The following RBKS variants were observed in gnomAD, a reference collection of about 807,000 sequenced individuals.
RBKS encodes the protein ribokinase.
Under a neutral mutation model 33.9 loss-of-function variants are expected in RBKS, and 33 were observed. The observed-to-expected ratio is 0.97, with a 90% CI of 0.74 to 1.30. RBKS has a LOEUF of 1.30. Ranked by LOEUF, RBKS falls within the 50% of genes most tolerant of loss-of-function variation. RBKS has a pLI of 0.00. For synonymous variants in RBKS, 125 were observed against 143.0 expected (o/e 0.87, Z 0.90); for missense variants, 361 against 392.6 (o/e 0.92, Z 0.68).
At chr2:27,806,508 G>A (rs573186725) in intron 7 of RBKS, among the ~76,000 whole-genome samples, 5 of 152,286 alleles carry the variant, frequency 3.3e-5, no homozygotes, top group East Asian at 1.9e-4. Context: ...TTGCAATGCC[G>A]TGAGGTAGGT....
In RBKS at chr2:27,786,097, G is replaced by T. The variant is rs561653518; in HGVS notation, c.796-4309C>A. ...ATCCATGATCCCATTTGGGGGAAAA[G>T]AAATAAAAGAATGAGAAAGACAAAT... On this transcript the variant is annotated intron_variant, in intron 7 of 7. Transcript: ENST00000302188. Among the ~76,000 whole-genome samples, 3 of 152,212 alleles carry T rather than the reference G, an allele frequency of 2.0e-5. No individual in the cohort carries two copies. In the South Asian group the frequency reaches 6.2e-4, roughly 32 times the overall value.
chr2:27,812,546 T>C (rs559891367), intron 7 of RBKS, among the ~76,000 whole-genome samples: 74 of 152,366 alleles, frequency 4.9e-4, no homozygotes, highest in African/African-American at 1.7e-3. Flanking sequence ...GATGAGTTCA[T>C]GTCTTTTGTA....
At position 27,827,694 on chromosome 2, in the gene RBKS, A is replaced by T; in HGVS notation, c.668T>A (p.Val223Glu). The T allele has an allele frequency of 6.2e-7, 1 of 1,613,750 alleles. No individual in the cohort carries two copies. Among genetic ancestry groups the T allele is most frequent in the East Asian group, 2.2e-5 (1 of 44,838 alleles). ...SAADAGEAAL[V>E]LLKRGCQVVI... ...CACCTGGCAGCCCCTTTTCAAGAGC[A>T]CTAATGCAGCCTCCCCAGCATCTGC... Residue 223 changes from valine to glutamate, a missense_variant, in exon 7 of 8, where the codon GTG becomes GAG. Coordinates refer to ENST00000302188, the MANE Select transcript of RBKS (RefSeq NM_022128.3).
intron 7 of RBKS, among the ~76,000 whole-genome samples, chr2:27,793,339 C>A (rs1677573657): frequency 6.6e-6 from 1 of 152,154 alleles, no homozygotes; most frequent in South Asian, 2.1e-4. Context: ...AATCCCCCCA[C>A]AGATTATGTA....
At chr2:27,785,772 A>G (rs1022726847) in intron 7 of RBKS, among the ~76,000 whole-genome samples, 10 of 151,950 alleles carry the variant, frequency 6.6e-5, no homozygotes, top group African/African-American at 9.7e-5. Context: ...AAAAAAAAAA[A>G]AAAGAAAGAA....
intron 7 of RBKS, among the ~76,000 whole-genome samples, chr2:27,804,854 G>A (rs928986619): frequency 2.0e-5 from 3 of 152,016 alleles, no homozygotes; most frequent in Non-Finnish European, 4.4e-5. Context: ...GCAAAACCTC[G>A]TCTCTACAAA....
intron 1 of RBKS, among the ~76,000 whole-genome samples, chr2:27,872,009 T>G (rs1171492374): frequency 6.6e-6 from 1 of 152,190 alleles, no homozygotes; most frequent in Non-Finnish European, 1.5e-5. Context: ...CACGCTACTA[T>G]GAGAAACTAA....
intron 2 of RBKS, among the ~76,000 whole-genome samples, chr2:27,853,085 G>GGCTA (rs966138007): frequency 7.2e-5 from 11 of 152,076 alleles, no homozygotes; most frequent in African/African-American, 2.4e-4. Flanking sequence ...ATGGCCTTTA[G>GGCTA]GCTAGGCATG....
chr2:27,876,098 A>G (rs1382492231), intron 1 of RBKS, among the ~76,000 whole-genome samples: 1 of 152,214 alleles, frequency 6.6e-6, no homozygotes, highest in African/African-American at 2.4e-5. Context: ...AAAATTAAAC[A>G]TAGAATTACC....
At chr2:27,830,077 C>A (rs1020786343) in intron 6 of RBKS, among the ~76,000 whole-genome samples, 1 of 152,112 alleles carries the variant, frequency 6.6e-6, no homozygotes, top group Admixed American at 6.5e-5. Flanking sequence ...ATATCAAGGG[C>A]TGAATGCTCT....
At chr2:27,853,932 A>T (rs1482059105) in intron 2 of RBKS, among the ~76,000 whole-genome samples, 1 of 152,214 alleles carries the variant, frequency 6.6e-6, no homozygotes, top group Non-Finnish European at 1.5e-5. Flanking sequence ...ATTATATATT[A>T]CCTGGAAAGA....
chr2:27,886,552 G>C (rs534716129), intron 1 of RBKS, among the ~76,000 whole-genome samples: 2 of 152,208 alleles, frequency 1.3e-5, no homozygotes, highest in South Asian at 4.1e-4. Flanking sequence ...ACACTAGTCA[G>C]AGTTAGAGGT....
intron 7 of RBKS, 23 bp downstream of exon 7, chr2:27,827,544 G>C (rs1678335140): frequency 6.6e-7 from 1 of 1,519,648 alleles, no homozygotes; most frequent in Non-Finnish European, 8.8e-7. Context: ...GGCTAAACAT[G>C]ATTCTTAAAT....
chr2:27,873,139 C>G (rs1049826058), intron 1 of RBKS, among the ~76,000 whole-genome samples: 2 of 152,204 alleles, frequency 1.3e-5, no homozygotes, highest in Non-Finnish European at 2.9e-5. Flanking sequence ...TAAGCTAATT[C>G]TGGGTCACCT....
intron 2 of RBKS, among the ~76,000 whole-genome samples, chr2:27,849,593 GAA>G (rs376552672): frequency 1.0e-5 from 1 of 100,080 alleles, no homozygotes; most frequent in African/African-American, 4.8e-5. Flanking sequence ...AAAAGAAAAA[GAA>G]AAAAAGAAAA....
chr2:27,785,672 G>T (rs936301548), intron 7 of RBKS, among the ~76,000 whole-genome samples: 6 of 151,080 alleles, frequency 4.0e-5, no homozygotes, highest in African/African-American at 7.3e-5. Flanking sequence ...CTGAGGCAGA[G>T]AACTGCTTAA....
At chr2:27,861,375 C>T in intron 1 of RBKS, 1 of 421,504 alleles carries the variant, frequency 2.4e-6, no homozygotes, top group Non-Finnish European at 5.0e-6. Context: ...GCAGGGATGA[C>T]TGGGCAACTG....
chr2:27,853,695 C>T (rs1663795525), intron 2 of RBKS, among the ~76,000 whole-genome samples: 2 of 152,060 alleles, frequency 1.3e-5, no homozygotes, highest in Admixed American at 6.6e-5. Flanking sequence ...AAAGTTAATG[C>T]TGCAATCACC....
At chr2:27,793,399 G>A (rs1677575350) in intron 7 of RBKS, among the ~76,000 whole-genome samples, 1 of 152,074 alleles carries the variant, frequency 6.6e-6, no homozygotes, top group African/African-American at 2.4e-5. Flanking sequence ...AACCTGCTAG[G>A]CACCACCTTA....
Sources: gnomAD v4.1 joint callset for allele counts (sites outside exome capture counted in the v4.1 genomes callset) on GRCh38, gnomAD v4.1.1 for gene constraint, MANE v1.5 for transcripts, NCBI Gene and HGNC (gene_info 2026-07-23, HGNC 2026-07-21) for gene names.